NINL: variants seen among roughly 807,000 people sequenced by gnomAD.
NINL encodes the protein ninein like.
Under a neutral mutation model 160.3 loss-of-function variants are expected in NINL, and 153 were observed. The ratio of observed to expected loss-of-function variants is 0.95; its 90% CI spans 0.84 to 1.09. The LOEUF is 1.09. Among genes scored for constraint, NINL ranks in the 50% least tolerant of loss-of-function variants. The pLI is 0.00. For synonymous variants in NINL, 800 were observed against 734.8 expected, an observed-to-expected ratio of 1.09 and a Z score of -1.43; for missense variants, 1,829 against 1,764.0, an observed-to-expected ratio of 1.04 and a Z score of -0.66.
chr20:25,458,317 G>A, intron 22 of NINL, 66 bp downstream of exon 22: 2 of 1,587,574 alleles, frequency 1.3e-6, no homozygotes, highest in East Asian at 2.2e-5. Context: ...GGTAACTGAG[G>A]ACCGGTGGGC....
rs145271162 is a variant in NINL at position 25,465,405 on chromosome 20, G to A, written c.3423+1984C>T. Among the ~76,000 whole-genome samples, 547 of 152,268 alleles carry A rather than the reference G, an allele frequency of 3.6e-3. 4 individuals carry two copies. Among genetic ancestry groups the A allele is most frequent in the South Asian group, 0.022 (105 of 4,814 alleles). On this transcript the variant is annotated intron_variant, in intron 19 of 23. Coordinates refer to ENST00000278886, the MANE Select transcript of NINL (RefSeq NM_025176.6). Reference sequence around the variant, plus strand: ...CTTGCCCATCAGAGAAGCCTCCCCCGCGGCTCCAGGGACTCAGTGGGAATA... The same window carrying A: ...CTTGCCCATCAGAGAAGCCTCCCCCACGGCTCCAGGGACTCAGTGGGAATA...
At position 25,452,748 on chromosome 20, in the gene NINL, C is replaced by CAGT. The variant is rs1568818232; in HGVS notation, c.*700_*702dup. 6.6e-6 allele frequency: 1 copy of CAGT among 151,480 alleles called. No individual in the cohort carries two copies. The highest frequency in any genetic ancestry group is 1.5e-5 in the Non-Finnish European group (1 of 67,936). 9.4% of individuals were successfully genotyped at this position (151,480 alleles called of 1,614,324 possible). A position where few individuals can be genotyped will look rare whatever the true frequency, so the allele number is the denominator to read the frequency against. ...GCAAATACAGTGACTTTTTATATTACAGTAGTACATTCCAATCAGCCATAT... is the reference window on the plus strand; with the variant it reads ...GCAAATACAGTGACTTTTTATATTACAGTAGTAGTACATTCCAATCAGCCATAT... On this transcript the variant is annotated 3_prime_UTR_variant, in exon 24 of 24. Transcript: ENST00000278886.
chr20:25,468,648 CCCAATT>C (rs2062989199), intron 18 of NINL, among the ~76,000 whole-genome samples: 1 of 148,562 alleles, frequency 6.7e-6, no homozygotes, highest in Admixed American at 6.7e-5. Context: ...TGCCCTGTCC[CCCAATT>C]CTCACTGGTG....
At chr20:25,479,341 G>T (rs1032465568) in intron 15 of NINL, 135 bp from the exon 16 acceptor site, 5 of 1,112,804 alleles carry the variant, frequency 4.5e-6, no homozygotes, top group Non-Finnish European at 5.1e-6. Flanking sequence ...GTGCCAGGGT[G>T]TGCAGAAGGG....
At chr20:25,514,427 TG>T (rs2064128143) in intron 3 of NINL, among the ~76,000 whole-genome samples, 2 of 152,212 alleles carry the variant, frequency 1.3e-5, no homozygotes, top group African/African-American at 2.4e-5. Context: ...AGAGATGATC[TG>T]AAACTAAAAC....
chr20:25,562,395 T>C (rs373398589), intron 1 of NINL, among the ~76,000 whole-genome samples: 47 of 106,002 alleles, frequency 4.4e-4, no homozygotes, highest in African/African-American at 6.1e-4. Flanking sequence ...GGATGGTTGC[T>C]GTGTCTGTGT....
At chr20:25,576,377 T>C (rs2065116088) in intron 1 of NINL, among the ~76,000 whole-genome samples, 1 of 152,230 alleles carries the variant, frequency 6.6e-6, no homozygotes, top group Non-Finnish European at 1.5e-5. Flanking sequence ...TGACAGTAAC[T>C]GCAATCGCTT....
intron 5 of NINL, 55 bp downstream of exon 5, chr20:25,510,619 C>T (rs1268479651): frequency 6.6e-6 from 10 of 1,519,662 alleles, no homozygotes; most frequent in Middle Eastern, 2.0e-4. Context: ...GGCTGTTCAG[C>T]TTTCAAAGCT....
intron 1 of NINL, among the ~76,000 whole-genome samples, chr20:25,542,927 C>G (rs2064687129): frequency 2.0e-5 from 3 of 150,570 alleles, no homozygotes; most frequent in Admixed American, 1.3e-4. Flanking sequence ...GTAATCCCAG[C>G]TACTTGGGAG....
chr20:25,483,579 G>T (rs2146603390), intron 13 of NINL, among the ~76,000 whole-genome samples: 1 of 152,388 alleles, frequency 6.6e-6, no homozygotes, highest in South Asian at 2.1e-4. Flanking sequence ...CAGAAAGAAA[G>T]GATGATGTTG....
chr20:25,497,269 G>A (rs1434922095), intron 9 of NINL, among the ~76,000 whole-genome samples: 1 of 152,262 alleles, frequency 6.6e-6, no homozygotes, highest in African/African-American at 2.4e-5. Flanking sequence ...AGAGCACAAC[G>A]CAGTGGTTGT....
At chr20:25,509,845 G>C in intron 5 of NINL, 1 of 393,148 alleles carries the variant, frequency 2.5e-6, no homozygotes, top group South Asian at 1.9e-5. Flanking sequence ...AAGTATTATA[G>C]GCAAACACAA....
intron 1 of NINL, among the ~76,000 whole-genome samples, chr20:25,564,213 A>G (rs1047992780): frequency 6.7e-6 from 1 of 149,960 alleles, no homozygotes; most frequent in African/African-American, 2.5e-5. Context: ...GCAGTGGTGC[A>G]ATATCAGCTC....
At chr20:25,488,273 T>C (rs1397248815) in intron 13 of NINL, among the ~76,000 whole-genome samples, 2 of 152,292 alleles carry the variant, frequency 1.3e-5, no homozygotes, top group East Asian at 3.9e-4. Context: ...TGGCCCAGGC[T>C]GGAGTACAGT....
At position 25,458,379 on chromosome 20, in the gene NINL, T is replaced by C. The variant is rs781228321; in HGVS notation, c.3843+4A>G. 9 of 1,605,758 alleles carry C rather than the reference T, an allele frequency of 5.6e-6. No homozygotes were observed. Among genetic ancestry groups the C allele is most frequent in the Non-Finnish European group, 2.5e-6 (3 of 1,179,968 alleles). ...CAGCCATCTCTCGCTGCATCCCCAC[T>C]TACCCGCTGTGCATCCAGGCGCCTC... On this transcript the variant is annotated splice_donor_region_variant and intron_variant, in intron 22 of 23. Coordinates refer to ENST00000278886, the MANE Select transcript of NINL (RefSeq NM_025176.6).
chr20:25,576,528 C>T (rs1025075094), intron 1 of NINL, among the ~76,000 whole-genome samples: 1 of 152,148 alleles, frequency 6.6e-6, no homozygotes, highest in African/African-American at 2.4e-5. Flanking sequence ...GGTGCATCCC[C>T]ACTCACTGTA....
chr20:25,459,222 C>A (rs994585142), intron 21 of NINL, among the ~76,000 whole-genome samples: 1 of 152,180 alleles, frequency 6.6e-6, no homozygotes. Flanking sequence ...CACGCTCCAT[C>A]GGGGTCATAT....
chr20:25,551,699 G>A (rs542953004), intron 1 of NINL, among the ~76,000 whole-genome samples: 2 of 152,174 alleles, frequency 1.3e-5, no homozygotes, highest in Admixed American at 6.6e-5. Flanking sequence ...CTCAGCACCC[G>A]TATGTTTTAT....
intron 1 of NINL, among the ~76,000 whole-genome samples, chr20:25,584,542 AC>A (rs1348159081): frequency 1.3e-5 from 2 of 152,140 alleles, no homozygotes; most frequent in African/African-American, 4.8e-5. Context: ...AGTGTGAAAA[AC>A]CTAGAAGTCA....
Sources: gnomAD v4.1 joint callset for allele counts (sites outside exome capture counted in the v4.1 genomes callset) on GRCh38, gnomAD v4.1.1 for gene constraint, MANE v1.5 for transcripts, NCBI Gene and HGNC (gene_info 2026-07-23, HGNC 2026-07-21) for gene names.